RAB3C: variants seen among roughly 807,000 people sequenced by gnomAD.
RAB3C encodes the protein RAB3C, member RAS oncogene family, also known as ras-related protein Rab-3C.
RAB3C carries 17 observed loss-of-function variants against 26.4 expected under a neutral mutation model. The ratio of observed to expected loss-of-function variants is 0.64; its 90% confidence interval spans 0.44 to 0.97. The LOEUF (loss-of-function observed/expected upper bound fraction) is 0.97. RAB3C is among the 50% of genes least tolerant of loss of function. RAB3C has a pLI of 0.00. For missense variants in RAB3C, 242 were observed against 281.9 expected (o/e 0.86, Z 1.01); for synonymous variants, 91 against 95.9 (o/e 0.95, Z 0.30).
intron 2 of RAB3C, among the ~76,000 whole-genome samples, chr5:58,690,801 C>T (rs1005608633): frequency 4.6e-5 from 7 of 152,070 alleles, no homozygotes; most frequent in African/African-American, 1.7e-4. Flanking sequence ...AAGATGAAAG[C>T]AGGATGTATA....
intron 3 of RAB3C, among the ~76,000 whole-genome samples, chr5:58,727,446 G>A (rs942953393): frequency 1.3e-5 from 2 of 151,960 alleles, no homozygotes; most frequent in African/African-American, 4.8e-5. Flanking sequence ...ATTCTTTTTA[G>A]TAAACTGAAT....
intron 2 of RAB3C, among the ~76,000 whole-genome samples, chr5:58,651,678 T>C (rs1747651816): frequency 6.6e-6 from 1 of 152,194 alleles, no homozygotes; most frequent in African/African-American, 2.4e-5. Context: ...TAGCACCTAT[T>C]TTGTTCCAAG....
intron 2 of RAB3C, among the ~76,000 whole-genome samples, chr5:58,693,701 A>C (rs1005547772): frequency 6.6e-6 from 1 of 152,202 alleles, no homozygotes; most frequent in Non-Finnish European, 1.5e-5. Context: ...CCTTGAGTAC[A>C]GTACCTTTTC....
chr5:58,594,901 A>G (rs1746215597), intron 1 of RAB3C, among the ~76,000 whole-genome samples: 1 of 140,550 alleles, frequency 7.1e-6, no homozygotes, highest in Non-Finnish European at 1.5e-5. Context: ...ACCTTACTAG[A>G]TATTTTTAGG....
At chr5:58,726,197 A>G in intron 3 of RAB3C, 77 bp downstream of exon 3, 3 of 698,858 alleles carry the variant, frequency 4.3e-6, no homozygotes. Context: ...CAAAGCAGTG[A>G]CCATACCGCA....
intron 2 of RAB3C, among the ~76,000 whole-genome samples, chr5:58,624,889 CAAAA>C (rs760841290): frequency 1.5e-4 from 22 of 151,600 alleles, no homozygotes; most frequent in Middle Eastern, 3.4e-3. Flanking sequence ...AAAAAACAAA[CAAAA>C]AAAACCCCCA....
chr5:58,620,239 G>A (rs423522), intron 2 of RAB3C, among the ~76,000 whole-genome samples: 37,836 of 152,044 alleles, frequency 0.25, 4,963 homozygotes, highest in Admixed American at 0.31. Flanking sequence ...TAGATTAATA[G>A]CCATTACTAT....
chr5:58,833,557 G>A (rs1036459497), intron 4 of RAB3C, among the ~76,000 whole-genome samples: 1 of 152,114 alleles, frequency 6.6e-6, no homozygotes, highest in Non-Finnish European at 1.5e-5. Flanking sequence ...AGGAATTAGA[G>A]GCATAAAAGA....
At chr5:58,688,567 T>C (rs1056290367) in intron 2 of RAB3C, among the ~76,000 whole-genome samples, 1 of 152,142 alleles carries the variant, frequency 6.6e-6, no homozygotes, top group African/African-American at 2.4e-5. Context: ...TCAAAAGGTT[T>C]AGCTCCTCAA....
intron 1 of RAB3C, among the ~76,000 whole-genome samples, chr5:58,606,045 G>C (rs1188777245): frequency 6.6e-6 from 1 of 152,220 alleles, no homozygotes; most frequent in Non-Finnish European, 1.5e-5. Context: ...CATTAGGACT[G>C]GTTGGACAGT....
intron 1 of RAB3C, among the ~76,000 whole-genome samples, chr5:58,609,580 A>G (rs931235930): frequency 3.3e-5 from 5 of 152,198 alleles, no homozygotes; most frequent in Admixed American, 6.6e-5. Flanking sequence ...ATTCACCTCT[A>G]CTAAAGAAGC....
At chr5:58,698,636 T>C (rs1260942658) in intron 2 of RAB3C, among the ~76,000 whole-genome samples, 1 of 152,184 alleles carries the variant, frequency 6.6e-6, no homozygotes, top group Non-Finnish European at 1.5e-5. Context: ...TTTACTCTTT[T>C]TTCTCTAAAC....
chr5:58,830,897 G>A (rs1400697336), intron 4 of RAB3C, among the ~76,000 whole-genome samples: 1 of 151,810 alleles, frequency 6.6e-6, no homozygotes, highest in Non-Finnish European at 1.5e-5. Flanking sequence ...TTTAGAGATG[G>A]GATCTTGCTC....
chr5:58,730,152 A>G (rs1437220420), intron 3 of RAB3C, among the ~76,000 whole-genome samples: 1 of 151,812 alleles, frequency 6.6e-6, no homozygotes, highest in East Asian at 1.9e-4. Context: ...TTAAGTGTAT[A>G]CTTGTCTTAA....
intron 2 of RAB3C, among the ~76,000 whole-genome samples, chr5:58,656,078 C>A (rs1398204122): frequency 6.6e-6 from 1 of 152,100 alleles, no homozygotes; most frequent in Non-Finnish European, 1.5e-5. Flanking sequence ...AGCCACCGCG[C>A]CCGGCCCTAA....
chr5:58,599,795 G>A (rs1374807667), intron 1 of RAB3C, among the ~76,000 whole-genome samples: 1 of 151,678 alleles, frequency 6.6e-6, no homozygotes, highest in Admixed American at 6.6e-5. Flanking sequence ...CCCACTCTGT[G>A]GATTGTCTGT....
At chr5:58,663,951 A>G (rs1363906247) in intron 2 of RAB3C, among the ~76,000 whole-genome samples, 2 of 152,124 alleles carry the variant, frequency 1.3e-5, no homozygotes, top group African/African-American at 4.8e-5. Flanking sequence ...TGCCTGTGAT[A>G]GGCTTTCCAT....
intron 2 of RAB3C, among the ~76,000 whole-genome samples, chr5:58,650,680 G>A (rs1001139775): frequency 1.3e-5 from 2 of 152,010 alleles, no homozygotes; most frequent in Admixed American, 6.6e-5. Flanking sequence ...AAATACATAT[G>A]GTCATATTTG....
chr5:58,614,879 T>G (rs1401227008), intron 1 of RAB3C, among the ~76,000 whole-genome samples: 1 of 152,158 alleles, frequency 6.6e-6, no homozygotes, highest in African/African-American at 2.4e-5. Flanking sequence ...TTTCTTGTTA[T>G]CATTTCCTAA....
Sources: gnomAD v4.1 joint callset for allele counts (sites outside exome capture counted in the v4.1 genomes callset) on GRCh38, gnomAD v4.1.1 for gene constraint, MANE v1.5 for transcripts, NCBI Gene and HGNC (gene_info 2026-07-23, HGNC 2026-07-21) for gene names.